ATCAY: variants seen among roughly 807,000 people sequenced by gnomAD.
ATCAY encodes caytaxin.
Under a neutral mutation model 47.7 loss-of-function variants are expected in ATCAY, and 22 were observed. The observed-to-expected ratio is 0.46, with a 90% CI of 0.33 to 0.66. ATCAY has a LOEUF of 0.66. ATCAY is among the 30% of genes least tolerant of loss of function. ATCAY has a pLI of 0.02. For missense variants in ATCAY, 452 were observed against 515.0 expected (o/e 0.88, Z 1.18); for synonymous variants, 216 against 207.6 (o/e 1.04, Z -0.35).
rs1199668460 is a variant in ATCAY at position 3,907,042 on chromosome 19, G to A, written c.359-692G>A. On this transcript the variant is annotated intron_variant, in intron 4 of 12. Transcript: ENST00000450849. This position sits in a 1 kb window ranked among gnomAD's most constrained non-coding sequence, Gnocchi z 5.1. ...CCAGCTACTCGGGAGGCTGAGGCAG[G>A]AGAATCGCTTGAACTCTGGAGGCAG... is the stretch of plus-strand genomic sequence containing the variant. Among the ~76,000 whole-genome samples, 4 of 151,620 alleles carry A rather than the reference G, an allele frequency of 2.6e-5. No homozygotes were observed. Among genetic ancestry groups the A allele is most frequent in the Non-Finnish European group, 5.9e-5 (4 of 67,962 alleles).
At position 3,910,878 on chromosome 19, in the gene ATCAY, C is replaced by A. The variant is rs764564106; in HGVS notation, c.855C>A (p.Arg285=). ...TTCGGACTGTGCTGGCCATCTCTCGCCCTTTCATCAGGTGAGACGGGGAGG... is the reference window on the plus strand; with the variant it reads ...TTCGGACTGTGCTGGCCATCTCTCGACCTTTCATCAGGTGAGACGGGGAGG... ...WFIRTVLAIS[R]PFISVKFINK... is the part of the protein sequence containing the mutation. The change falls in exon 8 of 13, where the codon CGC becomes CGA. Residue 285 remains arginine (R), a synonymous_variant. Coordinates refer to ENST00000450849, the MANE Select transcript of ATCAY (RefSeq NM_033064.5). The A allele has an allele frequency of 1.2e-6, 2 of 1,614,014 alleles. No homozygotes were observed. Among genetic ancestry groups the A allele is most frequent in the Admixed American group, 3.3e-5 (2 of 60,004 alleles).
Position 3,918,842 on chromosome 19 carries a change from T to A in ATCAY, c.1038T>A (p.Ser346=). The change falls in exon 11 of 13, where the codon TCT becomes TCA. Residue 346 remains serine, a synonymous_variant. Coordinates refer to ENST00000450849, the MANE Select transcript of ATCAY (RefSeq NM_033064.5). ...AGCCGGAGTTTGTGCTGCCCAGGTC[T>A]GAAGAGAAGCCAGAGGTGGCACCAG... is the stretch of plus-strand genomic sequence containing the variant. The part of the protein sequence containing the change: ...RPQPEFVLPR[S]EEKPEVAPVE... The A allele has an allele frequency of 6.2e-7, 1 of 1,613,980 alleles. No homozygotes were observed. Among genetic ancestry groups the A allele is most frequent in the Non-Finnish European group, 8.5e-7 (1 of 1,179,858 alleles).
chr19:3,907,665 A>G lies in ATCAY; in HGVS notation c.359-69A>G. On this transcript the variant is annotated intron_variant, in intron 4 of 12. Coordinates refer to ENST00000450849, the MANE Select transcript of ATCAY (RefSeq NM_033064.5). The surrounding 1 kb of genome is among the most constrained non-coding windows in gnomAD (Gnocchi z 5.1). The stretch of plus-strand genomic sequence containing the variant: ...CGAGGGAGGTGGGAGAGGGGAAGGA[A>G]GGCTGAGCAGGAGGGCAGGAGATAT... 1.3e-6 allele frequency: 2 copies of G among 1,575,576 alleles called. No individual in the cohort carries two copies. Among genetic ancestry groups the G allele is most frequent in the South Asian group, 1.1e-5 (1 of 88,410 alleles).
Position 3,893,266 on chromosome 19 carries a change from T to A in ATCAY, c.77+7422T>A, listed in dbSNP as rs111836553. On this transcript the variant is annotated intron_variant, in intron 2 of 12. Coordinates refer to ENST00000450849, the MANE Select transcript of ATCAY (RefSeq NM_033064.5). ...TCAGCTCACTGCAACCTCCGCCTCCTGGGTTCAAGCGACTCTCCTGCCTCA... is the reference window on the plus strand; with the variant it reads ...TCAGCTCACTGCAACCTCCGCCTCCAGGGTTCAAGCGACTCTCCTGCCTCA... 8.3e-3 allele frequency among the ~76,000 whole-genome samples: 1,250 copies of A among 150,118 alleles called. 19 individuals carry two copies. The highest frequency in any genetic ancestry group is 0.029 in the African/African-American group (1,197 of 40,930).
chr19:3,918,251 G>C (rs190577084), intron 10 of ATCAY, among the ~76,000 whole-genome samples: 1 of 151,954 alleles, frequency 6.6e-6, no homozygotes, highest in African/African-American at 2.4e-5. Context: ...CAGGCGTGGT[G>C]GTGCGTGCCT....
intron 10 of ATCAY, among the ~76,000 whole-genome samples, chr19:3,918,281 AG>A (rs1388792564): frequency 2.0e-5 from 3 of 152,056 alleles, no homozygotes; most frequent in South Asian, 4.2e-4. Flanking sequence ...GCTACTTGGG[AG>A]GCTGAGCCAG....
At position 3,887,526 on chromosome 19, in the gene ATCAY, G is replaced by A. The variant is rs537125837; in HGVS notation, c.77+1682G>A. On this transcript the variant is annotated intron_variant, in intron 2 of 12. Coordinates refer to ENST00000450849, the MANE Select transcript of ATCAY (RefSeq NM_033064.5). Reference sequence around the variant, plus strand: ...TTTTGAGACAGAGTGTCGCTTTGTCGCCCAGGCTGGAGTGCAGTGGCGCGA... The same window carrying A: ...TTTTGAGACAGAGTGTCGCTTTGTCACCCAGGCTGGAGTGCAGTGGCGCGA... Among the ~76,000 whole-genome samples, 17 of 149,856 alleles carry A rather than the reference G, an allele frequency of 1.1e-4. No homozygotes were observed. In the East Asian group the frequency reaches 2.4e-3, roughly 21 times the overall value.
chr19:3,884,790 C>T (rs150126130), intron 1 of ATCAY, among the ~76,000 whole-genome samples: 3 of 152,044 alleles, frequency 2.0e-5, no homozygotes, highest in African/African-American at 4.8e-5. Flanking sequence ...TCATGGGGCT[C>T]GGTGATGGTT....
At chr19:3,906,333 C>G (rs2038860882) in intron 4 of ATCAY, among the ~76,000 whole-genome samples, 1 of 146,460 alleles carries the variant, frequency 6.8e-6, no homozygotes, top group Non-Finnish European at 1.5e-5. Context: ...GACAGAGTCT[C>G]ACTCTGTTGC....
At chr19:3,897,723 C>T (rs541318440) in intron 2 of ATCAY, among the ~76,000 whole-genome samples, 8 of 152,092 alleles carry the variant, frequency 5.3e-5, no homozygotes, top group Non-Finnish European at 1.0e-4. Flanking sequence ...GCCTGGCCAA[C>T]GTGGTGAAAC....
Position 3,908,722 on chromosome 19 carries a change from C to T in ATCAY, c.647+352C>T, listed in dbSNP as rs117618599. ...CCTCCTCCTCCCTTTTCTCCTCCTC[C>T]TCCCCTTCCCTCTCCTCCTCCCCCT... On this transcript the variant is annotated intron_variant, in intron 6 of 12. Transcript: ENST00000450849. Among the ~76,000 whole-genome samples, 23 of 53,448 alleles carry T rather than the reference C, an allele frequency of 4.3e-4. No individual in the cohort carries two copies. The East Asian group carries it at 4.5e-3, about 10-fold the overall frequency. The allele number at this position is 53,448 out of a possible 152,430, so 35.1% of individuals were successfully genotyped here. A position where few individuals can be genotyped will look rare whatever the true frequency, so the allele number is the denominator to read the frequency against.
chr19:3,925,283 A>C lies in ATCAY; in HGVS notation c.*691A>C, dbSNP rs2039056636. 1 of 152,348 alleles carries C rather than the reference A, an allele frequency of 6.6e-6. No homozygotes were observed. The highest frequency in any genetic ancestry group is 2.4e-5 in the African/African-American group (1 of 41,454). The allele number at this position is 152,348 out of a possible 1,614,324, so 9.4% of individuals were successfully genotyped here. On this transcript the variant is annotated 3_prime_UTR_variant, in exon 13 of 13. Coordinates refer to ENST00000450849, the MANE Select transcript of ATCAY (RefSeq NM_033064.5). The surrounding 1 kb of genome is among the most constrained non-coding windows in gnomAD (Gnocchi z 4.4). ...TCCTCCGATTGCAAAATGACACCCCAGTAATCTAGAACATTCTCAAGCCCC... is the reference window on the plus strand; with the variant it reads ...TCCTCCGATTGCAAAATGACACCCCCGTAATCTAGAACATTCTCAAGCCCC...
intron 2 of ATCAY, among the ~76,000 whole-genome samples, chr19:3,896,966 A>G (rs1388231547): frequency 6.6e-6 from 1 of 150,792 alleles, no homozygotes; most frequent in Non-Finnish European, 1.5e-5. Context: ...TATTAGAGAC[A>G]GGGTTTTGCC....
rs186141002 is a variant in ATCAY, at chr19:3,922,357, G to A, written c.1106+1559G>A. 10 of 622,170 alleles carry A rather than the reference G, an allele frequency of 1.6e-5. No individual in the cohort carries two copies. In the Admixed American group the frequency reaches 2.1e-4, roughly 13 times the overall value. 38.5% of individuals were successfully genotyped at this position (622,170 alleles called of 1,614,324 possible). The stretch of plus-strand genomic sequence containing the variant: ...CCCCGGGAAATTTATAATCCTGGCG[G>A]AAGCCACCTCTTCACCAGGCAGCAG... On this transcript the variant is annotated intron_variant, in intron 12 of 12. Transcript: ENST00000450849.
intron 2 of ATCAY, among the ~76,000 whole-genome samples, chr19:3,886,757 A>G (rs1048031816): frequency 2.8e-4 from 39 of 140,610 alleles, no homozygotes; most frequent in Non-Finnish European, 5.0e-4. Context: ...TCTGTCCCAC[A>G]GGCTGGAGTG....
At position 3,912,878 on chromosome 19, in the gene ATCAY, C is replaced by T. The variant is rs2038935371; in HGVS notation, c.867-880C>T. ...CCAGCCTGGGTGACAGAGTGAGACT[C>T]TGTCTCTTAAAAAAAAAATACCATG... On this transcript the variant is annotated intron_variant, in intron 8 of 12. Coordinates refer to ENST00000450849, the MANE Select transcript of ATCAY (RefSeq NM_033064.5). 3.1e-5 allele frequency among the ~76,000 whole-genome samples: 3 copies of T among 97,010 alleles called. No homozygotes were observed. The South Asian group carries it at 1.6e-3, about 52-fold the overall frequency. 63.6% of individuals were successfully genotyped at this position (97,010 alleles called of 152,430 possible). A position where few individuals can be genotyped will look rare whatever the true frequency, so the allele number is the denominator to read the frequency against.
intron 9 of ATCAY, among the ~76,000 whole-genome samples, chr19:3,914,776 G>A (rs929935766): frequency 1.3e-5 from 2 of 150,672 alleles, no homozygotes; most frequent in Non-Finnish European, 2.9e-5. Context: ...AGCCGAGATC[G>A]CACCACTGCA....
intron 2 of ATCAY, among the ~76,000 whole-genome samples, chr19:3,900,606 G>A (rs950562201): frequency 9.2e-5 from 14 of 151,478 alleles, no homozygotes; most frequent in Non-Finnish European, 1.9e-4. Context: ...GCACGATCTC[G>A]GCTCACTGCA....
chr19:3,882,637 C>CTTATT (rs1158315470), intron 1 of ATCAY, among the ~76,000 whole-genome samples: 17 of 150,244 alleles, frequency 1.1e-4, no homozygotes, highest in Middle Eastern at 3.4e-3. Context: ...AGCCAGATGC[C>CTTATT]TTATTTTATT....
Sources: gnomAD v4.1 joint callset for allele counts (sites outside exome capture counted in the v4.1 genomes callset) on GRCh38, gnomAD v4.1.1 for gene constraint, Gnocchi (gnomAD v3.1) non-coding constraint, MANE v1.5 for transcripts, NCBI Gene and HGNC (gene_info 2026-07-23, HGNC 2026-07-21) for gene names.